CDC42BPA: variants seen among roughly 807,000 people sequenced by gnomAD.
CDC42BPA encodes the protein CDC42 binding protein kinase alpha.
A neutral mutation model predicts 223.5 loss-of-function variants in CDC42BPA; 80 were observed. The ratio of observed to expected loss-of-function variants is 0.36; its 90% CI spans 0.30 to 0.43. The LOEUF is 0.43. CDC42BPA is among the 20% of genes least tolerant of loss of function. The pLI, the probability that CDC42BPA is intolerant of heterozygous loss-of-function variation, is 1.00. For synonymous variants in CDC42BPA, 694 were observed against 718.6 expected, an observed-to-expected ratio of 0.97 and a Z score of 0.55; for missense variants, 1,743 against 2,099.9, an observed-to-expected ratio of 0.83 and a Z score of 3.32.
intron 11 of CDC42BPA, among the ~76,000 whole-genome samples, chr1:227,122,569 C>G (rs1355049335): frequency 6.6e-6 from 1 of 152,148 alleles, no homozygotes; most frequent in East Asian, 1.9e-4. Context: ...GAATATATGT[C>G]AAATTTCCCT....
intron 6 of CDC42BPA, among the ~76,000 whole-genome samples, chr1:227,159,738 C>T (rs898335552): frequency 6.6e-6 from 1 of 151,610 alleles, no homozygotes; most frequent in Non-Finnish European, 1.5e-5. Flanking sequence ...GTTGCTTAAG[C>T]TGGTCTCAAA....
At chr1:227,121,802 C>CTTTT (rs11327691) in intron 11 of CDC42BPA, among the ~76,000 whole-genome samples, 1 of 134,130 alleles carries the variant, frequency 7.5e-6, no homozygotes, top group African/African-American at 2.8e-5. Flanking sequence ...TCTTTTTTTT[C>CTTTT]TTTTTTTTTT....
intron 11 of CDC42BPA, among the ~76,000 whole-genome samples, chr1:227,120,437 G>C (rs187875164): frequency 6.6e-6 from 1 of 152,246 alleles, no homozygotes; most frequent in East Asian, 1.9e-4. Flanking sequence ...AAAAACTCCT[G>C]ATCTAAATCA....
intron 34 of CDC42BPA, 28 bp from the exon 35 acceptor site, chr1:227,005,139 T>C (rs1558261462): frequency 6.7e-7 from 1 of 1,483,594 alleles, no homozygotes; most frequent in East Asian, 2.3e-5. Flanking sequence ...AGAGACATCC[T>C]TTAGCCAGAA....
chr1:227,173,403 G>A (rs1487425479), intron 5 of CDC42BPA, among the ~76,000 whole-genome samples: 1 of 152,126 alleles, frequency 6.6e-6, no homozygotes, highest in African/African-American at 2.4e-5. Context: ...ACAACTGATA[G>A]GAGTGTCTTT....
At chr1:227,118,613 C>CT (rs1382563563) in intron 12 of CDC42BPA, among the ~76,000 whole-genome samples, 2 of 152,086 alleles carry the variant, frequency 1.3e-5, no homozygotes, top group African/African-American at 4.8e-5. Flanking sequence ...TTTTCATCCT[C>CT]TTTCCAAAGG....
chr1:227,114,432 G>A, intron 12 of CDC42BPA, among the ~76,000 whole-genome samples: 2 of 143,860 alleles, frequency 1.4e-5, no homozygotes, highest in Admixed American at 7.0e-5. Context: ...TGCACTAAAG[G>A]AACCAGTAAA....
chr1:227,102,342 T>C (rs1685185693), intron 14 of CDC42BPA, among the ~76,000 whole-genome samples: 2 of 152,152 alleles, frequency 1.3e-5, no homozygotes, highest in Admixed American at 6.5e-5. Context: ...GATCGTCCAA[T>C]GGTTTATGAG....
intron 5 of CDC42BPA, among the ~76,000 whole-genome samples, chr1:227,168,217 C>A (rs6426577): frequency 0.57 from 87,125 of 151,990 alleles, 25,087 homozygotes; most frequent in Middle Eastern, 0.65. Flanking sequence ...GAGCCATCAC[C>A]CCTGGCTTCT....
At chr1:227,133,329 G>A (rs1269680799) in intron 10 of CDC42BPA, among the ~76,000 whole-genome samples, 2 of 151,898 alleles carry the variant, frequency 1.3e-5, no homozygotes, top group African/African-American at 2.4e-5. Flanking sequence ...CGCCCAGTCC[G>A]GGAGGAGGTG....
At chr1:227,005,167 C>T in intron 34 of CDC42BPA, 56 bp from the exon 35 acceptor site, 1 of 1,138,424 alleles carries the variant, frequency 8.8e-7, no homozygotes, top group Non-Finnish European at 1.3e-6. Flanking sequence ...GATTTTTCTG[C>T]AGAGATGTCT....
intron 35 of CDC42BPA, among the ~76,000 whole-genome samples, chr1:226,999,418 C>T (rs1192946005): frequency 6.6e-6 from 1 of 152,136 alleles, no homozygotes; most frequent in Non-Finnish European, 1.5e-5. Context: ...CCTCGTGATC[C>T]ACCCACCTCA....
intron 4 of CDC42BPA, among the ~76,000 whole-genome samples, chr1:227,198,408 T>C (rs1183288420): frequency 9.1e-6 from 1 of 110,452 alleles, no homozygotes; most frequent in African/African-American, 3.4e-5. Flanking sequence ...CAGTTAGCTC[T>C]AATTGGGCAA....
chr1:227,064,866 G>C (rs899151215), intron 21 of CDC42BPA, among the ~76,000 whole-genome samples: 3 of 152,116 alleles, frequency 2.0e-5, no homozygotes, highest in African/African-American at 7.2e-5. Flanking sequence ...GGGAGGCCGA[G>C]GTGGGCAGAT....
intron 21 of CDC42BPA, among the ~76,000 whole-genome samples, chr1:227,055,957 T>A (rs1264182980): frequency 6.6e-6 from 1 of 152,060 alleles, no homozygotes; most frequent in Non-Finnish European, 1.5e-5. Context: ...AACATTTTAA[T>A]GCAAAATGTT....
chr1:227,029,498 T>C (rs1035696492), intron 29 of CDC42BPA, among the ~76,000 whole-genome samples: 1 of 152,208 alleles, frequency 6.6e-6, no homozygotes, highest in Non-Finnish European at 1.5e-5. Context: ...TGTAAAAGTA[T>C]GCCAAATCTT....
intron 2 of CDC42BPA, among the ~76,000 whole-genome samples, chr1:227,252,294 CA>C (rs1400021964): frequency 6.6e-6 from 1 of 151,950 alleles, no homozygotes; most frequent in Non-Finnish European, 1.5e-5. Flanking sequence ...ATGATCAATA[CA>C]GTAACAAGTT....
chr1:227,070,299 A>T (rs1047133662), intron 20 of CDC42BPA, among the ~76,000 whole-genome samples: 4 of 151,854 alleles, frequency 2.6e-5, no homozygotes, highest in Non-Finnish European at 5.9e-5. Flanking sequence ...GTGATGAAAC[A>T]AATACACTTA....
Position 227,139,600 on chromosome 1 carries a change from G to C in CDC42BPA, c.1366C>G (p.Leu456Val), listed in dbSNP as rs982418476. 1.9e-5 allele frequency: 31 copies of C among 1,598,510 alleles called. No individual in the cohort carries two copies. Among genetic ancestry groups the C allele is most frequent in the Non-Finnish European group, 2.6e-5 (31 of 1,174,610 alleles). ...CCTTGAAGTTTTCTACTGAGTTCAA[G>C]TTTTTCTTGCTCAAGGCGCTTAATT... is the stretch of plus-strand genomic sequence containing the variant. ...RRIKRLEQEK[L>V]ELSRKLQEST... The change falls in exon 10 of 37, where the codon CTT (leucine) becomes GTT (valine). Residue 456 changes from leucine (L) to valine (V), a missense_variant. Leu to Val is a conservative substitution (Grantham distance 32). Around this residue, in one of 6 missense-constraint regions of CDC42BPA, gnomAD observed 464 missense variants for 488.0 expected, o/e 0.95. Coordinates refer to ENST00000366766, the MANE Select transcript of CDC42BPA (RefSeq NM_001394014.1).
Sources: allele counts gnomAD v4.1 joint callset (sites outside exome capture counted in the v4.1 genomes callset), GRCh38; gene constraint gnomAD v4.1.1; regional missense constraint gnomAD v4.1.1; transcripts MANE v1.5; gene names NCBI Gene and HGNC (gene_info 2026-07-23, HGNC 2026-07-21).